Variants in MARK4 observed in about 807,000 individuals in gnomAD.
MARK4 encodes MAP/microtubule affinity-regulating kinase 4.
MARK4 carries 19 observed loss-of-function variants against 81.5 expected under a neutral mutation model. The ratio of observed to expected loss-of-function variants is 0.23; its 90% CI spans 0.16 to 0.34. MARK4 has a LOEUF of 0.34. MARK4 is among the 10% of genes least tolerant of loss of function. The pLI is 1.00. For synonymous variants in MARK4, 436 were observed against 439.0 expected (o/e 0.99, Z 0.08); for missense variants, 772 against 1,058.8 (o/e 0.73, Z 3.76).
chr19:45,259,500 A>G (rs1317888820), intron 2 of MARK4, among the ~76,000 whole-genome samples: 1 of 152,170 alleles, frequency 6.6e-6, no homozygotes, highest in Non-Finnish European at 1.5e-5. Flanking sequence ...ATTGGCTCAC[A>G]CGTGTAATCC....
At chr19:45,266,730 CTTT>C (rs35618045) in intron 7 of MARK4, among the ~76,000 whole-genome samples, 4 of 124,250 alleles carry the variant, frequency 3.2e-5, no homozygotes, top group Admixed American at 8.3e-5. Context: ...AATCTGAGAA[CTTT>C]TTTTTTTTTT....
chr19:45,292,171 C>T (rs1411930772), intron 13 of MARK4, among the ~76,000 whole-genome samples: 2 of 152,104 alleles, frequency 1.3e-5, no homozygotes, highest in Non-Finnish European at 2.9e-5. Flanking sequence ...GACATGGTGG[C>T]ACACACATGT....
chr19:45,254,413 G>A (rs752420783), intron 1 of MARK4, among the ~76,000 whole-genome samples: 3 of 152,188 alleles, frequency 2.0e-5, no homozygotes, highest in Non-Finnish European at 2.9e-5. Context: ...CCTTATCTTG[G>A]TGGGGATCGG....
At position 45,293,443 on chromosome 19, in the gene MARK4, A is replaced by G. The variant is rs1970844333; in HGVS notation, c.1495-906A>G. 2.0e-5 allele frequency among the ~76,000 whole-genome samples: 3 copies of G among 152,240 alleles called. No individual in the cohort carries two copies. In the South Asian group the frequency reaches 6.2e-4, roughly 31 times the overall value. On this transcript the variant is annotated intron_variant, in intron 13 of 16. Transcript: ENST00000262891. ...TGTGCCAATAAATTTAACAGCTTAG[A>G]TGAAATGGACACATTACTTTAAAAA... is the stretch of plus-strand genomic sequence containing the variant.
At chr19:45,301,865 CA>C (rs11309011) in intron 16 of MARK4, among the ~76,000 whole-genome samples, 40,703 of 123,782 alleles carry the variant, frequency 0.33, 6,214 homozygotes, top group African/African-American at 0.43. Context: ...AACTCCGTCT[CA>C]AAAAAAAAAA....
intron 16 of MARK4, among the ~76,000 whole-genome samples, chr19:45,301,893 AAG>A (rs1568505816): frequency 6.6e-6 from 1 of 151,650 alleles, no homozygotes. Flanking sequence ...GAAAAGGAAA[AAG>A]AAATTTCTCA....
chr19:45,289,553 T>C (rs1378381572), intron 13 of MARK4, among the ~76,000 whole-genome samples: 1 of 151,734 alleles, frequency 6.6e-6, no homozygotes, highest in Non-Finnish European at 1.5e-5. Flanking sequence ...GGGCGGATCA[T>C]GAGGTCGGGA....
intron 1 of MARK4, 123 bp downstream of exon 1, chr19:45,251,762 C>T (rs987679617): frequency 1.6e-5 from 13 of 836,952 alleles, no homozygotes; most frequent in Non-Finnish European, 2.2e-5. Flanking sequence ...CGGCTCGTCA[C>T]CTCTCGACCC....
At chr19:45,276,580 G>A (rs1013439810) in intron 8 of MARK4, among the ~76,000 whole-genome samples, 1 of 151,274 alleles carries the variant, frequency 6.6e-6, no homozygotes, top group Admixed American at 6.6e-5. Flanking sequence ...TTTACATACC[G>A]CTCTCTGGCT....
chr19:45,268,428 A>G (rs1420555167), intron 7 of MARK4, among the ~76,000 whole-genome samples: 2 of 152,050 alleles, frequency 1.3e-5, no homozygotes, highest in African/African-American at 2.4e-5. Context: ...TACTAAAAAT[A>G]CAAAAATTAG....
chr19:45,271,851 G>A lies in MARK4; in HGVS notation c.786+143G>A. On this transcript the variant is annotated intron_variant, in intron 8 of 16. Coordinates refer to ENST00000262891, the MANE Select transcript of MARK4 (RefSeq NM_001199867.2). The surrounding 1 kb of genome is among the most constrained non-coding windows in gnomAD (Gnocchi z 4.1). ...AAGATGGGGGATGGGCAGGATTCAA[G>A]TCCCCTCTGCAGTGAGGCCAGCCGA... 1.2e-6 allele frequency: 1 copy of A among 808,006 alleles called. No individual in the cohort carries two copies. Among genetic ancestry groups the A allele is most frequent in the Non-Finnish European group, 2.0e-6 (1 of 509,546 alleles). The allele number at this position is 808,006 out of a possible 1,614,324, so 50.1% of individuals were successfully genotyped here.
intron 2 of MARK4, among the ~76,000 whole-genome samples, chr19:45,259,948 G>A (rs1259681955): frequency 2.6e-5 from 4 of 151,868 alleles, no homozygotes; most frequent in African/African-American, 4.8e-5. Flanking sequence ...TTAGCTGGGC[G>A]TGGTGGCACA....
At position 45,261,551 on chromosome 19, in the gene MARK4, G is replaced by A. The variant is rs181157885; in HGVS notation, c.253-1562G>A. 8.1e-4 allele frequency among the ~76,000 whole-genome samples: 123 copies of A among 152,336 alleles called. 1 individual carries two copies. The highest frequency in any genetic ancestry group is 2.9e-3 in the African/African-American group (120 of 41,592). Reference sequence around the variant, plus strand: ...AAAGCTAAGGGGCTCTCTCTTCCATGAAGAACACATGGTTCCCTATATGTG... The same window carrying A: ...AAAGCTAAGGGGCTCTCTCTTCCATAAAGAACACATGGTTCCCTATATGTG... On this transcript the variant is annotated intron_variant, in intron 2 of 16. Coordinates refer to ENST00000262891, the MANE Select transcript of MARK4 (RefSeq NM_001199867.2).
chr19:45,299,523 CTCTT>C (rs748298810), intron 15 of MARK4, among the ~76,000 whole-genome samples: 13 of 152,296 alleles, frequency 8.5e-5, no homozygotes, highest in East Asian at 1.9e-4. Context: ...GTGTGTCTCT[CTCTT>C]TCTCTCTGTG....
At chr19:45,255,820 C>T (rs1266279478) in intron 1 of MARK4, among the ~76,000 whole-genome samples, 1 of 152,214 alleles carries the variant, frequency 6.6e-6, no homozygotes, top group Non-Finnish European at 1.5e-5. Flanking sequence ...CTGCTTCCCA[C>T]TCCCAGCCGG....
At chr19:45,251,690 A>G in intron 1 of MARK4, 51 bp downstream of exon 1, 2 of 1,460,904 alleles carry the variant, frequency 1.4e-6, no homozygotes. Context: ...CAGCCGCCAA[A>G]CCCTTCTCCC....
chr19:45,281,377 T>C (rs1970672463), intron 12 of MARK4, among the ~76,000 whole-genome samples: 1 of 150,210 alleles, frequency 6.7e-6, no homozygotes, highest in African/African-American at 2.5e-5. Context: ...CTTTTTTTTT[T>C]TGAGACAGAG....
intron 6 of MARK4, 88 bp from the exon 7 acceptor site, chr19:45,266,137 G>A (rs1568492681): frequency 2.2e-6 from 3 of 1,365,588 alleles, no homozygotes; most frequent in Non-Finnish European, 3.1e-6. Context: ...GGAGGCCTGG[G>A]GCCCAGCTGT....
chr19:45,294,157 C>T (rs1970854985), intron 13 of MARK4, among the ~76,000 whole-genome samples, 192 bp from the exon 14 acceptor site: 1 of 152,204 alleles, frequency 6.6e-6, no homozygotes, highest in African/African-American at 2.4e-5. Flanking sequence ...TCTCCCCTGA[C>T]TCAGCCTCGG....
Sources: allele counts gnomAD v4.1 joint callset (sites outside exome capture counted in the v4.1 genomes callset), GRCh38; gene constraint gnomAD v4.1.1; non-coding constraint Gnocchi (gnomAD v3.1); transcripts MANE v1.5; gene names NCBI Gene and HGNC (gene_info 2026-07-23, HGNC 2026-07-21).